Variants in MEIS1 observed in about 807,000 individuals in gnomAD.
MEIS1 encodes homeobox protein Meis1.
MEIS1 carries 5 observed loss-of-function variants against 50.8 expected under a neutral mutation model. That is an observed-to-expected ratio of 0.10 (90% CI 0.05 to 0.21). The LOEUF is 0.21. Ranked by LOEUF, MEIS1 falls within the 10% of genes least tolerant of loss-of-function variation. The probability of loss-of-function intolerance (pLI) is 1.00; values close to 1 mark genes in which losing one functional copy is unlikely to be tolerated. For missense variants in MEIS1, 318 were observed against 517.3 expected, an observed-to-expected ratio of 0.61 and a Z score of 3.74; for synonymous variants, 176 against 179.3, an observed-to-expected ratio of 0.98 and a Z score of 0.15.
chr2:66,446,391 G>A (rs890294884), intron 6 of MEIS1, among the ~76,000 whole-genome samples: 1 of 152,166 alleles, frequency 6.6e-6, no homozygotes, highest in African/African-American at 2.4e-5. Flanking sequence ...AGAACGCGTT[G>A]GGAGAGAGGG....
intron 6 of MEIS1, chr2:66,462,032 A>C (rs887852176): frequency 1.2e-5 from 4 of 345,264 alleles, no homozygotes; most frequent in Middle Eastern, 4.2e-4. Context: ...CACAGTAGAA[A>C]AGTGGGGGAG....
chr2:66,515,969 C>T (rs1214852371), intron 8 of MEIS1, among the ~76,000 whole-genome samples: 2 of 152,184 alleles, frequency 1.3e-5, no homozygotes, highest in Non-Finnish European at 2.9e-5. Flanking sequence ...ATTATTCCAA[C>T]TGTAAACATA....
intron 9 of MEIS1, among the ~76,000 whole-genome samples, chr2:66,549,680 A>T (rs1674872292): frequency 6.6e-6 from 1 of 152,102 alleles, no homozygotes; most frequent in South Asian, 2.1e-4. Flanking sequence ...TTTCCCTGGG[A>T]AGTGTTCCTG....
intron 7 of MEIS1, among the ~76,000 whole-genome samples, chr2:66,505,498 A>G (rs1378277484): frequency 6.6e-6 from 1 of 152,226 alleles, no homozygotes; most frequent in African/African-American, 2.4e-5. Context: ...AAGGAAAGCC[A>G]GAGTTCTAGA....
intron 3 of MEIS1, chr2:66,440,305 G>T (rs1671937029): frequency 1.7e-6 from 1 of 593,060 alleles, no homozygotes; most frequent in Non-Finnish European, 3.0e-6. Flanking sequence ...TGGACTCGGC[G>T]GTCTGAGCAG....
chr2:66,549,317 T>G (rs1674862279), intron 9 of MEIS1, among the ~76,000 whole-genome samples: 1 of 152,096 alleles, frequency 6.6e-6, no homozygotes, highest in African/African-American at 2.4e-5. Context: ...GATCAATTTT[T>G]GCAGCCCTTT....
At chr2:66,541,024 T>A (rs1008646710) in intron 8 of MEIS1, among the ~76,000 whole-genome samples, 2 of 151,652 alleles carry the variant, frequency 1.3e-5, no homozygotes, top group East Asian at 3.9e-4. Flanking sequence ...TTATTTTATT[T>A]TATTTTATTA....
intron 7 of MEIS1, among the ~76,000 whole-genome samples, chr2:66,473,909 T>C (rs945967045): frequency 2.0e-5 from 3 of 152,186 alleles, no homozygotes; most frequent in African/African-American, 7.2e-5. Context: ...TTCCCTGCTA[T>C]TAAATGGCAT....
intron 7 of MEIS1, among the ~76,000 whole-genome samples, chr2:66,481,237 A>G (rs975225754): frequency 2.0e-5 from 3 of 152,180 alleles, no homozygotes; most frequent in African/African-American, 7.2e-5. Context: ...TGGCAAGGGC[A>G]TGAATTGTTT....
At chr2:66,451,055 A>C (rs946182055) in intron 6 of MEIS1, among the ~76,000 whole-genome samples, 1 of 152,094 alleles carries the variant, frequency 6.6e-6, no homozygotes, top group African/African-American at 2.4e-5. Flanking sequence ...GAAAATGAAG[A>C]ATGTTACTCA....
intron 8 of MEIS1, among the ~76,000 whole-genome samples, chr2:66,538,178 C>A (rs760255997): frequency 6.6e-6 from 1 of 152,086 alleles, no homozygotes; most frequent in Non-Finnish European, 1.5e-5. Flanking sequence ...TATAAATTGA[C>A]GCTAAGAAAG....
At chr2:66,556,945 C>T (rs1266592805) in intron 9 of MEIS1, among the ~76,000 whole-genome samples, 3 of 151,302 alleles carry the variant, frequency 2.0e-5, no homozygotes, top group South Asian at 2.1e-4. Context: ...GAGGGGGTAG[C>T]GGGGCACATA....
chr2:66,547,298 C>A (rs1184970858), intron 8 of MEIS1, among the ~76,000 whole-genome samples: 1 of 152,128 alleles, frequency 6.6e-6, no homozygotes, highest in Non-Finnish European at 1.5e-5. Flanking sequence ...TTGTTCTTAG[C>A]ATGCAAAATA....
chr2:66,535,640 ACT>A (rs1000543389), intron 8 of MEIS1, among the ~76,000 whole-genome samples: 16 of 152,018 alleles, frequency 1.1e-4, no homozygotes, highest in Non-Finnish European at 1.9e-4. Flanking sequence ...TTTGACTAAG[ACT>A]CTTCCCTCAT....
intron 5 of MEIS1, 26 bp from the exon 6 acceptor site, chr2:66,442,876 A>AT (rs763260544): frequency 1.1e-5 from 18 of 1,567,438 alleles, no homozygotes; most frequent in African/African-American, 1.4e-5. Context: ...TTATATTCCC[A>AT]TTTTTTTATT....
At chr2:66,457,692 C>T (rs774518655) in intron 6 of MEIS1, among the ~76,000 whole-genome samples, 1 of 152,320 alleles carries the variant, frequency 6.6e-6, no homozygotes, top group South Asian at 2.1e-4. Flanking sequence ...GATGCACCCC[C>T]CCAGACAGTG....
At chr2:66,566,560 C>T (rs1307348140) in intron 9 of MEIS1, among the ~76,000 whole-genome samples, 2 of 151,564 alleles carry the variant, frequency 1.3e-5, no homozygotes, top group Non-Finnish European at 2.9e-5. Flanking sequence ...ACAAACGGAT[C>T]TTAAGAGAAT....
chr2:66,567,037 A>G (rs1268049892), intron 9 of MEIS1, among the ~76,000 whole-genome samples: 1 of 152,192 alleles, frequency 6.6e-6, no homozygotes, highest in Admixed American at 6.5e-5. Flanking sequence ...GTACAAAAGA[A>G]GTCAGAGAAC....
At chr2:66,528,466 G>A (rs1674310976) in intron 8 of MEIS1, among the ~76,000 whole-genome samples, 2 of 152,196 alleles carry the variant, frequency 1.3e-5, no homozygotes, top group East Asian at 3.9e-4. Flanking sequence ...CTTGCTGTCA[G>A]CGTCGTCTCA....
Sources: allele counts gnomAD v4.1 joint callset (sites outside exome capture counted in the v4.1 genomes callset), GRCh38; gene constraint gnomAD v4.1.1; transcripts MANE v1.5; gene names NCBI Gene and HGNC (gene_info 2026-07-23, HGNC 2026-07-21).